The following PHKA1 variants were observed in gnomAD, a reference collection of about 807,000 sequenced individuals.
PHKA1 encodes the protein phosphorylase b kinase regulatory subunit alpha, skeletal muscle isoform.
In PHKA1, 60 loss-of-function variants were observed where a neutral mutation model predicts 110.2. That is an observed-to-expected ratio of 0.54 (90% CI 0.44 to 0.68). The LOEUF (loss-of-function observed/expected upper bound fraction) is 0.68, where lower values mean the gene tolerates loss of function less well. Among genes scored for constraint, PHKA1 ranks in the 30% least tolerant of loss-of-function variants. PHKA1 has a pLI of 0.00. For missense variants in PHKA1, 801 were observed against 942.5 expected (o/e 0.85, Z 1.97); for synonymous variants, 316 against 333.6 (o/e 0.95, Z 0.58).
intron 5 of PHKA1, among the ~76,000 whole-genome samples, chrX:72,678,558 G>A (rs1045770200): frequency 9.0e-6 from 1 of 111,545 alleles, no homozygotes; most frequent in South Asian, 3.8e-4. Context: ...ATATAATGGA[G>A]AGGCCAAAGA....
At chrX:72,649,388 G>T (rs782094322) in intron 13 of PHKA1, among the ~76,000 whole-genome samples, 1 of 111,543 alleles carries the variant, frequency 9.0e-6, no homozygotes, top group South Asian at 3.9e-4. Context: ...AAGGAAGGTA[G>T]AACGATTTGC....
intron 16 of PHKA1, among the ~76,000 whole-genome samples, chrX:72,631,404 T>C (rs1284089782): frequency 1.8e-5 from 2 of 110,903 alleles, no homozygotes; most frequent in East Asian, 5.7e-4. Context: ...CTGATACTAC[T>C]CCTAAGAGGG....
At chrX:72,582,062 T>G (rs1242268026) in intron 31 of PHKA1, among the ~76,000 whole-genome samples, 3 of 112,387 alleles carry the variant, frequency 2.7e-5, no homozygotes, top group Non-Finnish European at 5.6e-5. Context: ...TAGTTTCTTA[T>G]TAAGTCCTTA....
At chrX:72,708,480 A>C (rs1018110218) in intron 2 of PHKA1, among the ~76,000 whole-genome samples, 13 of 111,523 alleles carry the variant, frequency 1.2e-4, no homozygotes, top group African/African-American at 4.2e-4. Flanking sequence ...TCAATCCAAA[A>C]TGTTTCGACT....
intron 13 of PHKA1, among the ~76,000 whole-genome samples, chrX:72,646,860 G>A (rs1481857811): frequency 1.8e-5 from 2 of 111,503 alleles, no homozygotes; most frequent in East Asian, 5.6e-4. Flanking sequence ...GCCAGGCGCT[G>A]TGGCTTACAC....
rs868945602 is a variant in PHKA1, at chrX:72,713,706, A to G, written c.78+97T>C. ...CACACACACACACACACACACCCAC[A>G]CACGCACGCACGCACGGAGTTCATC... On this transcript the variant is annotated intron_variant, in intron 1 of 31. Transcript: ENST00000373542. 1.9e-5 allele frequency: 12 copies of G among 628,935 alleles called. No homozygotes were observed. In the African/African-American group the frequency reaches 2.2e-4, roughly 12 times the overall value. 51.8% of individuals were successfully genotyped at this position (628,935 alleles called of 1,213,427 possible).
intron 29 of PHKA1, among the ~76,000 whole-genome samples, chrX:72,591,017 A>G (rs2052511978): frequency 8.9e-6 from 1 of 111,983 alleles, no homozygotes; most frequent in Non-Finnish European, 1.9e-5. Context: ...TTCCTCAAGG[A>G]TCTAGAACTA....
At chrX:72,607,921 C>A (rs2052753901) in intron 23 of PHKA1, among the ~76,000 whole-genome samples, 1 of 111,367 alleles carries the variant, frequency 9.0e-6, no homozygotes, top group Non-Finnish European at 1.9e-5. Flanking sequence ...GGCCTGTAAT[C>A]CGGGACCTCA....
intron 6 of PHKA1, among the ~76,000 whole-genome samples, chrX:72,673,985 G>A (rs782738962): frequency 2.5e-5 from 2 of 81,540 alleles, no homozygotes; most frequent in East Asian, 8.0e-4. Context: ...GCCCCGGTGT[G>A]TGATGTTCCC....
chrX:72,682,035 T>G (rs1390843222), intron 5 of PHKA1, among the ~76,000 whole-genome samples: 3 of 55,303 alleles, frequency 5.4e-5, no homozygotes, highest in Non-Finnish European at 6.9e-5. Context: ...GGTGGGGGGG[T>G]CGGCCCCCCG....
Position 72,601,978 on chromosome X carries a change from C to A in PHKA1, c.3072+13G>T. On this transcript the variant is annotated intron_variant, in intron 28 of 31. Transcript: ENST00000373542. ...TAAGTTAAACCATGTTAAATGATCC[C>A]TAGTTGTTTCACCTGACTCTCAGCT... 1 of 1,173,828 alleles carries A rather than the reference C, an allele frequency of 8.5e-7. No homozygotes were observed.
chrX:72,657,482 G>A (rs2053509678), intron 9 of PHKA1, 106 bp downstream of exon 9: 2 of 572,672 alleles, frequency 3.5e-6, no homozygotes, highest in African/African-American at 4.6e-5. Context: ...ATCCTACTTA[G>A]TGATCTCTAT....
chrX:72,626,331 A>G (rs1280384237), intron 17 of PHKA1, among the ~76,000 whole-genome samples: 1 of 110,947 alleles, frequency 9.0e-6, no homozygotes, highest in African/African-American at 3.3e-5. Context: ...TTTTCAAAAT[A>G]AAAACTTAAG....
rs148433527 is a variant in PHKA1 at position 72,666,048 on chromosome X, G to A, written c.864+103C>T. ...TAAAGACAACTCAGAAAACTTAAAG[G>A]TTTCTTGAAATCACAGACACAGGTC... On this transcript the variant is annotated intron_variant, in intron 8 of 31. Transcript: ENST00000373542. The A allele has an allele frequency of 9.5e-4, 766 of 808,741 alleles. 3 individuals are homozygous for A. The African/African-American group carries it at 0.015, about 16-fold the overall frequency. The allele number at this position is 808,741 out of a possible 1,213,427, so 66.6% of individuals were successfully genotyped here. A position where few individuals can be genotyped will look rare whatever the true frequency, so the allele number is the denominator to read the frequency against.
At chrX:72,641,472 A>C (rs1471010838) in intron 14 of PHKA1, among the ~76,000 whole-genome samples, 1 of 112,143 alleles carries the variant, frequency 8.9e-6, no homozygotes, top group African/African-American at 3.2e-5. Context: ...ACACAAGTGA[A>C]TATAGGCATG....
At chrX:72,614,748 T>C (rs991445485) in intron 21 of PHKA1, among the ~76,000 whole-genome samples, 5 of 110,931 alleles carry the variant, frequency 4.5e-5, no homozygotes, top group Non-Finnish European at 9.4e-5. Context: ...CCTGTGGTAG[T>C]GTTGATGCTG....
chrX:72,654,506 C>T (rs1469665372), intron 10 of PHKA1, among the ~76,000 whole-genome samples: 1 of 111,447 alleles, frequency 9.0e-6, no homozygotes, highest in East Asian at 2.8e-4. Flanking sequence ...CTCTTTTGTT[C>T]TCTTCCTCTT....
chrX:72,677,889 A>G (rs2053798015), intron 5 of PHKA1, among the ~76,000 whole-genome samples: 1 of 109,871 alleles, frequency 9.1e-6, no homozygotes, highest in African/African-American at 3.3e-5. Context: ...CGGTTTCTAC[A>G]ATTTTTTTTA....
intron 4 of PHKA1, among the ~76,000 whole-genome samples, chrX:72,687,443 AGATTTGTAT>A (rs2053979940): frequency 8.9e-6 from 1 of 111,906 alleles, no homozygotes. Flanking sequence ...TTCATCTCTT[AGATTTGTAT>A]CACAGCCATA....
Sources: gnomAD v4.1 joint callset for allele counts (sites outside exome capture counted in the v4.1 genomes callset) on GRCh38, gnomAD v4.1.1 for gene constraint, MANE v1.5 for transcripts, NCBI Gene and HGNC (gene_info 2026-07-23, HGNC 2026-07-21) for gene names.